The following GRM7 variants were observed in gnomAD, a reference collection of about 807,000 sequenced individuals.
GRM7 encodes metabotropic glutamate receptor 7.
A neutral mutation model predicts 84.5 loss-of-function variants in GRM7; 35 were observed. The ratio of observed to expected loss-of-function variants is 0.41; its 90% CI spans 0.32 to 0.55. The LOEUF (loss-of-function observed/expected upper bound fraction) is 0.55. GRM7 is among the 20% of genes least tolerant of loss of function. The pLI is 0.19. For missense variants in GRM7, 1,003 were observed against 1,194.6 expected, an observed-to-expected ratio of 0.84 and a Z score of 2.36; for synonymous variants, 487 against 455.1, an observed-to-expected ratio of 1.07 and a Z score of -0.89.
chr3:7,485,961 C>T (rs1466084352), intron 7 of GRM7, among the ~76,000 whole-genome samples: 1 of 152,062 alleles, frequency 6.6e-6, no homozygotes, highest in Non-Finnish European at 1.5e-5. Flanking sequence ...CTTAAGGTGC[C>T]TTTAACATAT....
chr3:7,540,629 C>A (rs907662470), intron 7 of GRM7, among the ~76,000 whole-genome samples: 1 of 152,112 alleles, frequency 6.6e-6, no homozygotes, highest in East Asian at 1.9e-4. Context: ...ATGAAATGTT[C>A]TAAAATTAGA....
At chr3:7,035,280 G>A (rs746894525) in intron 1 of GRM7, among the ~76,000 whole-genome samples, 7 of 152,126 alleles carry the variant, frequency 4.6e-5, no homozygotes, top group Non-Finnish European at 5.9e-5. Context: ...AGCCAAATTA[G>A]GGTTTCTTCC....
chr3:7,062,034 T>C (rs1219103235), intron 1 of GRM7, among the ~76,000 whole-genome samples: 1 of 151,682 alleles, frequency 6.6e-6, no homozygotes, highest in Non-Finnish European at 1.5e-5. Context: ...AGCTTCCTGT[T>C]TGGATACCCA....
chr3:7,524,384 C>G (rs1700712367), intron 7 of GRM7, among the ~76,000 whole-genome samples: 1 of 120,754 alleles, frequency 8.3e-6, no homozygotes. Context: ...GGGCTAATAT[C>G]CAGAATCTAC....
At chr3:7,083,979 A>AT (rs1698358785) in intron 1 of GRM7, among the ~76,000 whole-genome samples, 1 of 152,096 alleles carries the variant, frequency 6.6e-6, no homozygotes, top group Non-Finnish European at 1.5e-5. Flanking sequence ...AAAATGAGAA[A>AT]TTTTAGAGAG....
intron 1 of GRM7, among the ~76,000 whole-genome samples, chr3:7,087,257 C>T (rs1698490320): frequency 1.3e-5 from 2 of 152,270 alleles, no homozygotes; most frequent in East Asian, 1.9e-4. Flanking sequence ...GAACACGTCA[C>T]TCCCCTCCTG....
rs116182387 is a variant in GRM7 at position 7,640,470 on chromosome 3, T to G, written c.2452-39579T>G. 2.9e-3 allele frequency among the ~76,000 whole-genome samples: 449 copies of G among 152,308 alleles called. 14 individuals carry two copies. The highest frequency in any genetic ancestry group is 9.7e-4 in the East Asian group (5 of 5,176). On this transcript the variant is annotated intron_variant, in intron 8 of 9. Transcript: ENST00000357716. ...GCTACCATGCTCTGAATTCTGTGGA[T>G]TTTATAAGCACAAATTTTAAACTAA...
intron 7 of GRM7, among the ~76,000 whole-genome samples, chr3:7,548,786 C>T (rs1406318592): frequency 1.3e-5 from 2 of 152,214 alleles, no homozygotes; most frequent in Admixed American, 6.5e-5. Context: ...GCTTTGGTTG[C>T]AGTTCTGGGT....
chr3:7,148,162 T>A (rs1212244719), intron 2 of GRM7, among the ~76,000 whole-genome samples: 1 of 152,180 alleles, frequency 6.6e-6, no homozygotes, highest in Non-Finnish European at 1.5e-5. Context: ...ATTGACTTCA[T>A]AAATCCCCAA....
intron 1 of GRM7, among the ~76,000 whole-genome samples, chr3:6,917,816 A>C (rs1186944771): frequency 9.9e-5 from 15 of 152,174 alleles, no homozygotes; most frequent in Admixed American, 8.5e-4. Flanking sequence ...TTTGAGGCTC[A>C]TATCTATATT....
chr3:7,498,733 G>T (rs1479512430), intron 7 of GRM7, among the ~76,000 whole-genome samples: 1 of 152,106 alleles, frequency 6.6e-6, no homozygotes, highest in African/African-American at 2.4e-5. Flanking sequence ...CTAGTTCAGT[G>T]GTTTCAAACA....
chr3:7,242,716 G>A (rs555176336), intron 2 of GRM7, among the ~76,000 whole-genome samples: 5 of 152,228 alleles, frequency 3.3e-5, no homozygotes, highest in South Asian at 4.1e-4. Context: ...ACGAAGAGAC[G>A]TAGTCCATTT....
At chr3:7,542,040 CTGTCTCTT>C (rs1482356347) in intron 7 of GRM7, among the ~76,000 whole-genome samples, 1 of 152,192 alleles carries the variant, frequency 6.6e-6, no homozygotes, top group African/African-American at 2.4e-5. Context: ...CCCTGTGTGT[CTGTCTCTT>C]TGTCTCTATT....
rs1418235404 is a variant in GRM7 at position 6,861,179 on chromosome 3, C to G, written c.-210C>G. 3 of 446,376 alleles carry G rather than the reference C, an allele frequency of 6.7e-6. No homozygotes were observed. Among genetic ancestry groups the G allele is most frequent in the Non-Finnish European group, 1.2e-5 (3 of 257,816 alleles). 27.7% of individuals were successfully genotyped at this position (446,376 alleles called of 1,614,324 possible). On this transcript the variant is annotated 5_prime_UTR_variant, in exon 1 of 10. Transcript: ENST00000357716. The surrounding 1 kb of genome is among the most constrained non-coding windows in gnomAD (Gnocchi z 6.4). ...AGCGCGAGCGCGGCGCGCCGGCCGG[C>G]TAACCCGAGAGCGCGAGGCGCCCCA... is the stretch of plus-strand genomic sequence containing the variant.
At chr3:7,586,418 C>T (rs980816211) in intron 8 of GRM7, among the ~76,000 whole-genome samples, 6 of 151,952 alleles carry the variant, frequency 3.9e-5, no homozygotes, top group African/African-American at 1.5e-4. Flanking sequence ...CTAATAGCCC[C>T]ACCCTGAAAA....
chr3:7,253,443 C>T (rs1425019910), intron 2 of GRM7, among the ~76,000 whole-genome samples: 4 of 151,522 alleles, frequency 2.6e-5, no homozygotes, highest in African/African-American at 9.7e-5. Flanking sequence ...GGTGAAACCC[C>T]GTCTCTACTA....
In GRM7 at chr3:7,678,466, G is replaced by A. The variant is rs551917256; in HGVS notation, c.2452-1583G>A. On this transcript the variant is annotated intron_variant, in intron 8 of 9. Transcript: ENST00000357716. ...TACGGTGACAGTGGTGACAAAAATT[G>A]TCTATGTCTATAAAGCCCTGTGACC... 5.9e-5 allele frequency among the ~76,000 whole-genome samples: 9 copies of A among 152,238 alleles called. No individual in the cohort carries two copies. The South Asian group carries it at 1.9e-3, about 32-fold the overall frequency.
intron 2 of GRM7, among the ~76,000 whole-genome samples, chr3:7,195,610 C>T (rs1695852379): frequency 6.6e-6 from 1 of 151,868 alleles, no homozygotes; most frequent in Non-Finnish European, 1.5e-5. Context: ...GTGATTTCTC[C>T]AGTATAATCT....
intron 1 of GRM7, among the ~76,000 whole-genome samples, chr3:6,868,025 T>A (rs1694995076): frequency 6.6e-6 from 1 of 152,240 alleles, no homozygotes; most frequent in Admixed American, 6.5e-5. Flanking sequence ...GACTTTCTAA[T>A]CTTTTTTCAA....
Sources: allele counts gnomAD v4.1 joint callset (sites outside exome capture counted in the v4.1 genomes callset), GRCh38; gene constraint gnomAD v4.1.1; non-coding constraint Gnocchi (gnomAD v3.1); transcripts MANE v1.5; gene names NCBI Gene and HGNC (gene_info 2026-07-23, HGNC 2026-07-21).